The following HMCN2 variants were observed in gnomAD, a reference collection of about 807,000 sequenced individuals.
The protein encoded by HMCN2 is hemicentin 2, also known as hemicentin-2.
A neutral mutation model predicts 377.5 loss-of-function variants in HMCN2; 325 were observed. The observed-to-expected ratio is 0.86, with a 90% CI of 0.79 to 0.94. The LOEUF (loss-of-function observed/expected upper bound fraction) is 0.94, where lower values mean the gene tolerates loss of function less well. HMCN2 is among the 40% of genes least tolerant of loss of function. The pLI is 0.00. For synonymous variants in HMCN2, 2,007 were observed against 2,046.8 expected, an observed-to-expected ratio of 0.98 and a Z score of 0.53; for missense variants, 4,543 against 4,725.3, an observed-to-expected ratio of 0.96 and a Z score of 1.13.
chr9:130,313,047 C>T (rs1400345074), intron 15 of HMCN2, among the ~76,000 whole-genome samples: 1 of 152,206 alleles, frequency 6.6e-6, no homozygotes, highest in Admixed American at 6.5e-5. Flanking sequence ...AGCCATGTCC[C>T]TGTGGCAGAG....
rs965366700 is a variant in HMCN2, at chr9:130,363,599, A to G, written c.6232+609A>G. ...CACTTTGGGAGGCTGAGGTGGGTGG[A>G]TCACTTGAGGTCAGGAGTTCGAGAC... On this transcript the variant is annotated intron_variant, in intron 40 of 97. Coordinates refer to ENST00000683500, the MANE Select transcript of HMCN2 (RefSeq NM_001291815.2). Among the ~76,000 whole-genome samples the G allele has an allele frequency of 3.3e-5, 5 of 152,174 alleles. No homozygotes were observed. In the East Asian group the frequency reaches 9.7e-4, roughly 29 times the overall value.
intron 25 of HMCN2, among the ~76,000 whole-genome samples, chr9:130,346,260 G>C (rs1237342613): frequency 1.3e-5 from 2 of 152,124 alleles, no homozygotes; most frequent in African/African-American, 2.4e-5. Flanking sequence ...GCCTCAAAGG[G>C]GTCACTTGGA....
rs990226505 is a variant in HMCN2 at position 130,318,912 on chromosome 9, G to A, written c.2351-583G>A. ...CCTATAATCCCCCCCGACGCTGGCTGTTTGCGGGGGCGGCAATAGAAGGGG... is the reference window on the plus strand; with the variant it reads ...CCTATAATCCCCCCCGACGCTGGCTATTTGCGGGGGCGGCAATAGAAGGGG... On this transcript the variant is annotated intron_variant, in intron 15 of 97. Coordinates refer to ENST00000683500, the MANE Select transcript of HMCN2 (RefSeq NM_001291815.2). Among the ~76,000 whole-genome samples the A allele has an allele frequency of 3.2e-3, 489 of 152,334 alleles. 1 individual carries two copies. Among genetic ancestry groups the A allele is most frequent in the Non-Finnish European group, 5.2e-3 (351 of 68,022 alleles).
Position 130,303,015 on chromosome 9 carries a change from G to A in HMCN2, c.1421+14G>A, listed in dbSNP as rs965038672. The A allele has an allele frequency of 2.4e-5, 11 of 463,246 alleles. No homozygotes were observed. Among genetic ancestry groups the A allele is most frequent in the Admixed American group, 9.5e-5 (4 of 42,190 alleles). The allele number at this position is 463,246 out of a possible 1,614,324, so 28.7% of individuals were successfully genotyped here. ...GAGGCACTTTCAGTGAGTGGCCCAC[G>A]GCAGCTGATTGTCCCCAGCCACAGG... On this transcript the variant is annotated intron_variant, in intron 9 of 97. Transcript: ENST00000683500. This position sits in a 1 kb window ranked among gnomAD's most constrained non-coding sequence, Gnocchi z 5.2.
intron 93 of HMCN2, chr9:130,429,287 G>A: frequency 4.0e-6 from 2 of 494,400 alleles, no homozygotes; most frequent in South Asian, 2.9e-5. Context: ...CCTTGCCCAA[G>A]GGCTAGAATA....
chr9:130,309,004 A>C (rs1161615586), intron 14 of HMCN2, among the ~76,000 whole-genome samples: 1 of 152,260 alleles, frequency 6.6e-6, no homozygotes, highest in Non-Finnish European at 1.5e-5. Context: ...AGATGCAAAC[A>C]GTTCTGTGGA....
intron 25 of HMCN2, among the ~76,000 whole-genome samples, chr9:130,344,729 G>A (rs892531068): frequency 2.7e-5 from 4 of 146,956 alleles, no homozygotes; most frequent in Non-Finnish European, 4.5e-5. Flanking sequence ...GTGCGTATGT[G>A]TGAATGTGTG....
rs1842027417 is a variant in HMCN2 at position 130,386,472 on chromosome 9, AG to A, written c.9340del (p.Val3114SerfsTer30). 7.7e-7 allele frequency: 1 copy of A among 1,303,908 alleles called. No homozygotes were observed. Among genetic ancestry groups the A allele is most frequent in the African/African-American group, 1.5e-5 (1 of 65,858 alleles). The allele number at this position is 1,303,908 out of a possible 1,614,324, so 80.8% of individuals were successfully genotyped here. A position where few individuals can be genotyped will look rare whatever the true frequency, so the allele number is the denominator to read the frequency against. On this transcript the variant is annotated frameshift_variant, in exon 61 of 98. Transcript: ENST00000683500. LOFTEE classifies it high-confidence loss of function. ...VSDKGLYSCK[V>X]SNVAGEAVRT... ...CGGATAAAGGTTTATACAGCTGTAA[AG>A]TCAGCAACGTGGCTGGGGAGGCCGT...
chr9:130,415,979 G>A (rs527590929), intron 85 of HMCN2, among the ~76,000 whole-genome samples: 2 of 152,140 alleles, frequency 1.3e-5, no homozygotes, highest in South Asian at 4.2e-4. Flanking sequence ...AAAAGCTGCT[G>A]TTTTTCACAG....
chr9:130,306,997 TC>T, intron 13 of HMCN2, 59 bp downstream of exon 13: 1 of 421,364 alleles, frequency 2.4e-6, no homozygotes, highest in South Asian at 1.7e-5. Context: ...CCCTCCTCCC[TC>T]CCTCCCATCC....
intron 32 of HMCN2, 119 bp from the exon 33 acceptor site, chr9:130,355,627 T>C (rs1406588964): frequency 3.8e-6 from 2 of 520,986 alleles, no homozygotes; most frequent in East Asian, 1.4e-4. Context: ...GGGCCACTGA[T>C]AGGGAGACGT....
intron 4 of HMCN2, among the ~76,000 whole-genome samples, chr9:130,289,972 G>A (rs1835660311): frequency 6.6e-6 from 1 of 152,216 alleles, no homozygotes; most frequent in African/African-American, 2.4e-5. Context: ...TGTTCTGGGA[G>A]GATCCTCGGG....
At chr9:130,363,969 G>A (rs376890589) in intron 40 of HMCN2, among the ~76,000 whole-genome samples, 23 of 150,252 alleles carry the variant, frequency 1.5e-4, no homozygotes, top group African/African-American at 5.6e-4. Context: ...AGAGAAGGAA[G>A]GAAGGAAAGA....
At chr9:130,382,434 A>G (rs1015283083) in intron 55 of HMCN2, 137 bp downstream of exon 55, 1 of 264,434 alleles carries the variant, frequency 3.8e-6, no homozygotes, top group African/African-American at 2.3e-5. Context: ...GCTCGGCCTC[A>G]AAGAATCATG....
Position 130,299,267 on chromosome 9 carries a change from T to C in HMCN2, c.1255T>C (p.Ser419Pro), listed in dbSNP as rs1554933366. 2 of 468,000 alleles carry C rather than the reference T, an allele frequency of 4.3e-6. No homozygotes were observed. The highest frequency in any genetic ancestry group is 4.4e-6 in the Non-Finnish European group (1 of 224,878). The allele number at this position is 468,000 out of a possible 1,614,324, so 29.0% of individuals were successfully genotyped here. Reference sequence around the variant, plus strand: ...CCCCCTCCTTCGTGTCTCTGGAGTGTCCTACAGTGGGGTGGCCCCAGGTGA... The same window carrying C: ...CCCCCTCCTTCGTGTCTCTGGAGTGCCCTACAGTGGGGTGGCCCCAGGTGA... The part of the protein sequence containing the change: ...GNPLLRVSGV[S>P]YSGVAPGAPL... Residue 419 changes from serine (S) to proline (P), a missense_variant, in exon 8 of 98, where the codon TCC (serine) becomes CCC (proline). Ser to Pro is a moderately conservative substitution (Grantham distance 74). Coordinates refer to ENST00000683500, the MANE Select transcript of HMCN2 (RefSeq NM_001291815.2).
chr9:130,399,065 C>T (rs1175810362), intron 75 of HMCN2, among the ~76,000 whole-genome samples: 2 of 151,830 alleles, frequency 1.3e-5, no homozygotes, highest in Non-Finnish European at 2.9e-5. Flanking sequence ...CCAGACTGGG[C>T]AACATAGTGA....
intron 66 of HMCN2, among the ~76,000 whole-genome samples, chr9:130,392,858 T>C (rs1447047096): frequency 2.0e-5 from 3 of 151,734 alleles, no homozygotes; most frequent in East Asian, 1.9e-4. Context: ...TAGCCGGGCC[T>C]GGTGGCGGGC....
At position 130,374,575 on chromosome 9, in the gene HMCN2, C is replaced by T. The variant is rs1238860749; in HGVS notation, c.7512C>T (p.Ser2504=). 9.1e-6 allele frequency: 9 copies of T among 985,666 alleles called. No individual in the cohort carries two copies. The highest frequency in any genetic ancestry group is 1.1e-5 in the Non-Finnish European group (9 of 829,978). 61.1% of individuals were successfully genotyped at this position (985,666 alleles called of 1,614,324 possible). The change falls in exon 49 of 98, where the codon TCC becomes TCT. Residue 2504 remains serine (S), a synonymous_variant. Coordinates refer to ENST00000683500, the MANE Select transcript of HMCN2 (RefSeq NM_001291815.2). ...CTAGGGGAGATGCTCACCACATCTC[C>T]CCAGACGGAGTCCTCCTGCAGGTCC... ...PLARGDAHHI[S]PDGVLLQVLQ...
At position 130,418,859 on chromosome 9, in the gene HMCN2, C is replaced by G. The variant is rs775406918; in HGVS notation, c.13049C>G (p.Pro4350Arg). The change falls in exon 86 of 98, where the codon CCC (proline) becomes CGC (arginine). Residue 4350 changes from proline (P) to arginine (R), a missense_variant. Transcript: ENST00000683500. ...CTGCGGTGCCAGGCCACTGGAGAGC[C>G]CACACCCACCATTGAATGGCTACAG... The part of the protein sequence containing the change: ...VALRCQATGE[P>R]TPTIEWLQAG... 5 of 1,549,242 alleles carry G rather than the reference C, an allele frequency of 3.2e-6. No individual in the cohort carries two copies. The highest frequency in any genetic ancestry group is 4.4e-6 in the Non-Finnish European group (5 of 1,146,200).
Sources: gnomAD v4.1 joint callset for allele counts (sites outside exome capture counted in the v4.1 genomes callset) on GRCh38, gnomAD v4.1.1 for gene constraint, Gnocchi (gnomAD v3.1) non-coding constraint, MANE v1.5 for transcripts, NCBI Gene and HGNC (gene_info 2026-07-23, HGNC 2026-07-21) for gene names.